Variants in CAST observed in about 807,000 individuals in gnomAD.
CAST encodes the protein MIR583 host.
Under a neutral mutation model 119.6 loss-of-function variants are expected in CAST, and 76 were observed. The observed-to-expected ratio is 0.64, with a 90% confidence interval of 0.53 to 0.77. The LOEUF (loss-of-function observed/expected upper bound fraction) is 0.77, where lower values mean the gene tolerates loss of function less well. CAST is among the 30% of genes least tolerant of loss of function. CAST has a pLI of 0.00. For missense variants in CAST, 953 were observed against 946.5 expected, an observed-to-expected ratio of 1.01 and a Z score of -0.09; for synonymous variants, 319 against 331.6, an observed-to-expected ratio of 0.96 and a Z score of 0.41.
At chr5:96,771,595 ACTTAATACAGAAAAGAAAG>A in intron 30 of CAST, 30 bp from the exon 31 acceptor site, 3 of 1,506,410 alleles carry the variant, frequency 2.0e-6, no homozygotes, top group Non-Finnish European at 2.8e-6. Context: ...ATCTCCTCAT[ACTTAATACAGAAAAGAAAG>A]CTCACGGATG....
the CAST span, among the ~76,000 whole-genome samples, chr5:96,453,243 C>T: frequency 6.6e-6 from 1 of 152,146 alleles, no homozygotes; most frequent in Non-Finnish European, 1.5e-5. Context: ...ATTTTCACCA[C>T]TGTGTGTATA....
At chr5:96,523,288 T>C (rs929047605), upstream of CAST, among the ~76,000 whole-genome samples, 1 of 152,210 alleles carries the variant, frequency 6.6e-6, no homozygotes, top group Non-Finnish European at 1.5e-5. Context: ...TTGCTCCCCA[T>C]AGGGATGCCA....
the CAST span, among the ~76,000 whole-genome samples, chr5:96,057,950 A>G: frequency 2.0e-5 from 3 of 152,290 alleles, no homozygotes; most frequent in East Asian, 5.8e-4. Context: ...ATGGTAGAAG[A>G]ACAATCTTCA....
At chr5:96,597,347 A>C (rs73152030) in intron 1 of CAST, among the ~76,000 whole-genome samples, 1 of 152,300 alleles carries the variant, frequency 6.6e-6, no homozygotes, top group Non-Finnish European at 1.5e-5. Flanking sequence ...CCTACGTGAA[A>C]TACTAATTAT....
chr5:95,969,355 T>G, the CAST span, among the ~76,000 whole-genome samples: 1 of 152,208 alleles, frequency 6.6e-6, no homozygotes, highest in Non-Finnish European at 1.5e-5. Context: ...TGGAATGGAT[T>G]CACTGTTGTA....
the CAST span, among the ~76,000 whole-genome samples, chr5:96,181,894 G>C: frequency 2.3e-3 from 344 of 152,306 alleles, no homozygotes; most frequent in East Asian, 8.9e-3. Flanking sequence ...TACCGAGGAA[G>C]ATTAGAAGTA....
chr5:96,147,432 G>A, the CAST span, among the ~76,000 whole-genome samples: 6 of 151,986 alleles, frequency 3.9e-5, no homozygotes, highest in African/African-American at 1.4e-4. Context: ...GTGAAACCCC[G>A]TCTCTACTAA....
the CAST span, among the ~76,000 whole-genome samples, chr5:96,138,836 T>C: frequency 6.6e-6 from 1 of 152,048 alleles, no homozygotes; most frequent in Non-Finnish European, 1.5e-5. Context: ...GTTGTTTCTT[T>C]GGGATTTTCT....
At chr5:96,274,125 A>G in the CAST span, among the ~76,000 whole-genome samples, 1 of 150,684 alleles carries the variant, frequency 6.6e-6, no homozygotes, top group Non-Finnish European at 1.5e-5. Context: ...TTTTTGAGAC[A>G]GAGTCTTACT....
intron 1 of CAST, among the ~76,000 whole-genome samples, chr5:96,621,066 A>G (rs1747594814): frequency 6.6e-6 from 1 of 152,148 alleles, no homozygotes; most frequent in African/African-American, 2.4e-5. Flanking sequence ...CCTCACAGAT[A>G]CCTCAAGTTC....
chr5:96,106,008 G>C, the CAST span, among the ~76,000 whole-genome samples: 5 of 151,998 alleles, frequency 3.3e-5, no homozygotes, highest in African/African-American at 9.7e-5. Flanking sequence ...TCTAGATTTT[G>C]TAGTTTATTT....
At chr5:96,282,973 C>CA in the CAST span, among the ~76,000 whole-genome samples, 10 of 150,230 alleles carry the variant, frequency 6.7e-5, no homozygotes, top group Non-Finnish European at 1.3e-4. Flanking sequence ...ACTAAAAATA[C>CA]AAAAAAATTA....
At chr5:96,520,402 G>A (rs1745495778), upstream of CAST, among the ~76,000 whole-genome samples, 1 of 152,180 alleles carries the variant, frequency 6.6e-6, no homozygotes, top group Admixed American at 6.5e-5. Context: ...ACAATGTTCT[G>A]AACACATACA....
At chr5:96,131,649 G>A in the CAST span, among the ~76,000 whole-genome samples, 1 of 152,096 alleles carries the variant, frequency 6.6e-6, no homozygotes, top group Admixed American at 6.6e-5. Flanking sequence ...AAGAGAAAAA[G>A]CACCAAGGTA....
the CAST span, chr5:96,079,252 A>G: frequency 2.6e-6 from 1 of 380,396 alleles, no homozygotes; most frequent in Non-Finnish European, 5.3e-6. Flanking sequence ...CCCTACCCAC[A>G]CTCTTTGTCC....
chr5:96,189,079 A>G, the CAST span, among the ~76,000 whole-genome samples: 2 of 152,154 alleles, frequency 1.3e-5, no homozygotes, highest in Admixed American at 6.6e-5. Flanking sequence ...CAATCTTCTC[A>G]TAGCCTGCTG....
At chr5:96,304,702 A>C in the CAST span, among the ~76,000 whole-genome samples, 1 of 152,364 alleles carries the variant, frequency 6.6e-6, no homozygotes, top group Non-Finnish European at 1.5e-5. Context: ...TTCATGAAAT[A>C]GGGAATCCTT....
At chr5:96,629,319 T>C (rs1747780008) in intron 1 of CAST, among the ~76,000 whole-genome samples, 2 of 152,162 alleles carry the variant, frequency 1.3e-5, no homozygotes, top group South Asian at 4.1e-4. Flanking sequence ...TCCAGAACCA[T>C]GAGCTGAATA....
At chr5:96,215,809 T>G in the CAST span, among the ~76,000 whole-genome samples, 1 of 152,110 alleles carries the variant, frequency 6.6e-6, no homozygotes. Context: ...TAATTTTCAT[T>G]TATTTATGTA....
Sources: gnomAD v4.1 joint callset for allele counts (sites outside exome capture counted in the v4.1 genomes callset) on GRCh38, gnomAD v4.1.1 for gene constraint, MANE v1.5 for transcripts, NCBI Gene and HGNC (gene_info 2026-07-23, HGNC 2026-07-21) for gene names.